THSD4: variants seen among roughly 807,000 people sequenced by gnomAD.
The protein encoded by THSD4 is thrombospondin type 1 domain containing 4, also known as thrombospondin type-1 domain-containing protein 4.
A neutral mutation model predicts 119.0 loss-of-function variants in THSD4; 69 were observed. That is an observed-to-expected ratio of 0.58 (90% CI 0.48 to 0.71). The LOEUF is 0.71. Among genes scored for constraint, THSD4 ranks in the 30% least tolerant of loss-of-function variants. The pLI, the probability that THSD4 is intolerant of heterozygous loss-of-function variation, is 0.00. For missense variants in THSD4, 1,393 were observed against 1,391.1 expected (o/e 1.00, Z -0.02); for synonymous variants, 524 against 540.4 (o/e 0.97, Z 0.42).
At chr15:71,481,149 A>G (rs2140666486) in intron 7 of THSD4, among the ~76,000 whole-genome samples, 1 of 152,304 alleles carries the variant, frequency 6.6e-6, no homozygotes, top group South Asian at 2.1e-4. Context: ...TGGAAGAAAA[A>G]AAGCTCTAAA....
intron 6 of THSD4, among the ~76,000 whole-genome samples, chr15:71,289,777 CT>C (rs2044766720): frequency 6.6e-6 from 1 of 152,150 alleles, no homozygotes; most frequent in African/African-American, 2.4e-5. Context: ...GGGCTTATTC[CT>C]TTCCTTTATG....
intron 8 of THSD4, among the ~76,000 whole-genome samples, chr15:71,727,226 C>T (rs1020574912): frequency 2.0e-5 from 3 of 151,948 alleles, no homozygotes; most frequent in South Asian, 2.1e-4. Flanking sequence ...AATGTTGTGA[C>T]GATTAAATTT....
At chr15:71,334,125 C>A (rs2045462886) in intron 6 of THSD4, among the ~76,000 whole-genome samples, 2 of 152,300 alleles carry the variant, frequency 1.3e-5, no homozygotes, top group South Asian at 4.1e-4. Flanking sequence ...ATAAGATACA[C>A]CCAGCAAACC....
chr15:71,608,798 C>A (rs1402421818), intron 7 of THSD4, among the ~76,000 whole-genome samples: 5 of 152,208 alleles, frequency 3.3e-5, no homozygotes, highest in Non-Finnish European at 5.9e-5. Flanking sequence ...ATCACTTAAT[C>A]CTCATGATAC....
chr15:71,324,598 T>C (rs1288896631), intron 6 of THSD4, among the ~76,000 whole-genome samples: 1 of 152,226 alleles, frequency 6.6e-6, no homozygotes, highest in Non-Finnish European at 1.5e-5. Context: ...CTTGGAATAA[T>C]GGCCTCCAGC....
intron 7 of THSD4, among the ~76,000 whole-genome samples, chr15:71,653,488 G>A (rs1486727414): frequency 1.3e-5 from 2 of 151,804 alleles, no homozygotes; most frequent in African/African-American, 4.9e-5. Flanking sequence ...CACTGAGAGG[G>A]ATGCTCCTGG....
At chr15:71,214,082 TCAGCACTCTGTAAAAACACAC>T (rs2043908966) in intron 3 of THSD4, among the ~76,000 whole-genome samples, 1 of 144,748 alleles carries the variant, frequency 6.9e-6, no homozygotes, top group Non-Finnish European at 1.5e-5. Context: ...AATGCACCAA[TCAGCACTCTGTAAAAACACAC>T]CAATCAGCAC....
At chr15:71,228,503 AG>A (rs1258775381) in intron 4 of THSD4, among the ~76,000 whole-genome samples, 3 of 152,242 alleles carry the variant, frequency 2.0e-5, no homozygotes, top group African/African-American at 7.2e-5. Flanking sequence ...ACCCTGTTAC[AG>A]CAGCTACAGA....
At chr15:71,622,741 T>C (rs1382818162) in intron 7 of THSD4, among the ~76,000 whole-genome samples, 1 of 151,972 alleles carries the variant, frequency 6.6e-6, no homozygotes, top group African/African-American at 2.4e-5. Context: ...TCAAGGGAGA[T>C]TTTTAAGTCA....
chr15:71,201,340 A>C (rs1260322132), intron 3 of THSD4, among the ~76,000 whole-genome samples: 1 of 152,228 alleles, frequency 6.6e-6, no homozygotes, highest in African/African-American at 2.4e-5. Flanking sequence ...GATGATATTG[A>C]TCTCACAGGC....
chr15:71,669,204 T>G (rs1441679769), intron 8 of THSD4, among the ~76,000 whole-genome samples: 1 of 152,206 alleles, frequency 6.6e-6, no homozygotes, highest in Non-Finnish European at 1.5e-5. Flanking sequence ...AGATCTTTTT[T>G]ATTTGCATTT....
chr15:71,457,179 C>A (rs1334414836), intron 7 of THSD4, among the ~76,000 whole-genome samples: 1 of 151,996 alleles, frequency 6.6e-6, no homozygotes, highest in African/African-American at 2.4e-5. Context: ...CTCAGGAGTT[C>A]AAGACCAGCC....
chr15:71,340,008 G>A (rs137952923), intron 6 of THSD4, among the ~76,000 whole-genome samples: 12 of 152,160 alleles, frequency 7.9e-5, no homozygotes, highest in African/African-American at 1.4e-4. Context: ...CAGGTGATCC[G>A]CCCACCTTGC....
intron 7 of THSD4, among the ~76,000 whole-genome samples, chr15:71,584,150 T>A (rs951815025): frequency 6.6e-6 from 1 of 152,076 alleles, no homozygotes; most frequent in Non-Finnish European, 1.5e-5. Context: ...TTTATCATCA[T>A]ATAATGATTT....
intron 1 of THSD4, among the ~76,000 whole-genome samples, chr15:71,098,787 CAAGTT>C (rs1003611606): frequency 2.5e-4 from 38 of 152,010 alleles, no homozygotes; most frequent in African/African-American, 9.2e-4. Flanking sequence ...AATAAGAATA[CAAGTT>C]AAGTTACAAT....
At chr15:71,617,721 G>A (rs557144946) in intron 7 of THSD4, among the ~76,000 whole-genome samples, 6 of 152,210 alleles carry the variant, frequency 3.9e-5, no homozygotes, top group Non-Finnish European at 4.4e-5. Context: ...AGCCACCCCC[G>A]GAGGTGAAAC....
In THSD4 at chr15:71,138,083, C is replaced by T. The variant is rs150012723; in HGVS notation, c.-79-3366C>T. On this transcript the variant is annotated intron_variant, in intron 1 of 17. Coordinates refer to ENST00000261862, the MANE Select transcript of THSD4 (RefSeq NM_024817.3). ...ACCACTGTATCAGTCTGTTCTCATACTGCTATAAAGATCTACCCAAGACTG... is the reference window on the plus strand; with the variant it reads ...ACCACTGTATCAGTCTGTTCTCATATTGCTATAAAGATCTACCCAAGACTG... 9.8e-3 allele frequency among the ~76,000 whole-genome samples: 1,493 copies of T among 152,190 alleles called. 17 individuals are homozygous for T. Among genetic ancestry groups the T allele is most frequent in the Middle Eastern group, 0.027 (8 of 294 alleles).
intron 14 of THSD4, among the ~76,000 whole-genome samples, chr15:71,757,235 C>T (rs1464267119): frequency 6.6e-6 from 1 of 152,028 alleles, no homozygotes; most frequent in East Asian, 1.9e-4. Context: ...TCCCTCTATA[C>T]CAAGCTGTCT....
intron 1 of THSD4, among the ~76,000 whole-genome samples, chr15:71,097,954 C>G (rs1271241696): frequency 6.6e-6 from 1 of 151,904 alleles, no homozygotes; most frequent in Non-Finnish European, 1.5e-5. Flanking sequence ...TGCTGACCTT[C>G]TCGCAGTGAT....
Sources: allele counts gnomAD v4.1 joint callset (sites outside exome capture counted in the v4.1 genomes callset), GRCh38; gene constraint gnomAD v4.1.1; transcripts MANE v1.5; gene names NCBI Gene and HGNC (gene_info 2026-07-23, HGNC 2026-07-21).